The following COL23A1 variants were observed in gnomAD, a reference collection of about 807,000 sequenced individuals.
The protein encoded by COL23A1 is collagen type XXIII alpha 1 chain.
A neutral mutation model predicts 99.3 loss-of-function variants in COL23A1; 97 were observed. That is an observed-to-expected ratio of 0.98 (90% CI 0.83 to 1.16). The LOEUF (loss-of-function observed/expected upper bound fraction) is 1.16. Ranked by LOEUF, COL23A1 falls within the 50% of genes most tolerant of loss-of-function variation. The pLI, the probability that COL23A1 is intolerant of heterozygous loss-of-function variation, is 0.00. For synonymous variants in COL23A1, 320 were observed against 308.2 expected, an observed-to-expected ratio of 1.04 and a Z score of -0.40; for missense variants, 762 against 757.4, an observed-to-expected ratio of 1.01 and a Z score of -0.07.
chr5:178,585,021 A>T (rs1763854453), intron 1 of COL23A1, among the ~76,000 whole-genome samples: 1 of 152,234 alleles, frequency 6.6e-6, no homozygotes, highest in Non-Finnish European at 1.5e-5. Flanking sequence ...CAAAGACTGC[A>T]ACCAACGGGA....
intron 3 of COL23A1, among the ~76,000 whole-genome samples, chr5:178,291,819 G>A (rs1379142976): frequency 6.6e-6 from 1 of 151,996 alleles, no homozygotes; most frequent in Non-Finnish European, 1.5e-5. Flanking sequence ...CATAGAGGAA[G>A]GAGAGAGATG....
intron 2 of COL23A1, among the ~76,000 whole-genome samples, chr5:178,379,806 A>G (rs1233663552): frequency 6.6e-6 from 1 of 151,802 alleles, no homozygotes; most frequent in Non-Finnish European, 1.5e-5. Context: ...GCTTGAACCC[A>G]GGAGGCGGAG....
intron 2 of COL23A1, among the ~76,000 whole-genome samples, chr5:178,390,303 G>A (rs761666580): frequency 1.5e-4 from 23 of 152,348 alleles, no homozygotes; most frequent in East Asian, 5.8e-4. Flanking sequence ...TGGGATGTAC[G>A]GTCATTGTAG....
At chr5:178,423,543 G>A (rs760151214) in intron 2 of COL23A1, among the ~76,000 whole-genome samples, 4 of 152,158 alleles carry the variant, frequency 2.6e-5, no homozygotes, top group Admixed American at 6.5e-5. Context: ...TGCTCGATAG[G>A]TTAGGGGCAG....
At chr5:178,407,712 C>T (rs945844503) in intron 2 of COL23A1, among the ~76,000 whole-genome samples, 1 of 151,780 alleles carries the variant, frequency 6.6e-6, no homozygotes, top group East Asian at 1.9e-4. Flanking sequence ...GAGGGCTCAA[C>T]AGGAGAATGA....
chr5:178,452,789 T>C (rs1258491309), intron 2 of COL23A1, among the ~76,000 whole-genome samples: 1 of 152,194 alleles, frequency 6.6e-6, no homozygotes, highest in Non-Finnish European at 1.5e-5. Context: ...CAATACCTGT[T>C]AATACATGGA....
intron 2 of COL23A1, among the ~76,000 whole-genome samples, chr5:178,528,723 T>C (rs967554371): frequency 4.6e-5 from 7 of 152,182 alleles, no homozygotes; most frequent in Non-Finnish European, 8.8e-5. Context: ...GGCAGGAGAA[T>C]TGCCTGAACC....
At chr5:178,393,709 C>T (rs956644211) in intron 2 of COL23A1, among the ~76,000 whole-genome samples, 15 of 150,160 alleles carry the variant, frequency 1.0e-4, no homozygotes, top group Non-Finnish European at 2.9e-5. Flanking sequence ...AATCTCTGCT[C>T]ACTGCAACCT....
At chr5:178,267,143 G>A (rs151300618) in intron 8 of COL23A1, among the ~76,000 whole-genome samples, 164 bp downstream of exon 8, 1 of 152,158 alleles carries the variant, frequency 6.6e-6, no homozygotes, top group African/African-American at 2.4e-5. Flanking sequence ...CACAACCCAG[G>A]TCCCTGGGGG....
At chr5:178,491,274 A>G (rs1476809776) in intron 2 of COL23A1, among the ~76,000 whole-genome samples, 1 of 152,124 alleles carries the variant, frequency 6.6e-6, no homozygotes, top group Admixed American at 6.5e-5. Context: ...TCTCTTCTCC[A>G]GCCTCTCCTA....
chr5:178,400,313 GC>G (rs1398682406), intron 2 of COL23A1, among the ~76,000 whole-genome samples: 1 of 140,724 alleles, frequency 7.1e-6, no homozygotes, highest in Non-Finnish European at 1.5e-5. Context: ...CTTGCAGTGA[GC>G]CGAGATCGCG....
intron 2 of COL23A1, among the ~76,000 whole-genome samples, chr5:178,373,433 T>G (rs1348608438): frequency 6.6e-6 from 1 of 152,110 alleles, no homozygotes; most frequent in East Asian, 1.9e-4. Context: ...TTTTATTTTT[T>G]GAGACAGACT....
At chr5:178,553,078 G>A (rs990431004) in intron 2 of COL23A1, among the ~76,000 whole-genome samples, 6 of 151,416 alleles carry the variant, frequency 4.0e-5, no homozygotes, top group African/African-American at 1.5e-4. Context: ...GCTGAGGCAG[G>A]AGGATCACTT....
At chr5:178,322,271 C>T (rs1051450109) in intron 2 of COL23A1, among the ~76,000 whole-genome samples, 3 of 152,190 alleles carry the variant, frequency 2.0e-5, no homozygotes, top group Admixed American at 1.3e-4. Context: ...GGATTACAAG[C>T]GTGAGCCACC....
chr5:178,322,016 G>A (rs1192056500), intron 2 of COL23A1, among the ~76,000 whole-genome samples: 30 of 148,180 alleles, frequency 2.0e-4, no homozygotes, highest in African/African-American at 6.3e-4. Context: ...TTTTTGAGAC[G>A]GAGTCTTGCT....
At position 178,589,419 on chromosome 5, in the gene COL23A1, G is replaced by T. The variant is rs1764155787; in HGVS notation, c.294+485C>A. 1.3e-5 allele frequency among the ~76,000 whole-genome samples: 2 copies of T among 148,726 alleles called. No homozygotes were observed. The highest frequency in any genetic ancestry group is 1.3e-4 in the Admixed American group (2 of 15,124). ...TGCTGGAGACACACTGGAGCACAGC[G>T]GGGCCCAGCCCTCGGGCCTGTCTGA... On this transcript the variant is annotated intron_variant, in intron 1 of 28. Coordinates refer to ENST00000390654, the MANE Select transcript of COL23A1 (RefSeq NM_173465.4). This position sits in a 1 kb window ranked among gnomAD's most constrained non-coding sequence, Gnocchi z 5.4.
At chr5:178,446,537 A>G (rs1247466666) in intron 2 of COL23A1, among the ~76,000 whole-genome samples, 1 of 152,118 alleles carries the variant, frequency 6.6e-6, no homozygotes, top group Non-Finnish European at 1.5e-5. Context: ...TTTCATTAGG[A>G]GAAAAAATTT....
intron 2 of COL23A1, among the ~76,000 whole-genome samples, chr5:178,423,765 G>T (rs1330192071): frequency 6.6e-6 from 1 of 152,106 alleles, no homozygotes; most frequent in African/African-American, 2.4e-5. Context: ...CTTGGTGAGG[G>T]CTACCGCAGA....
In COL23A1 at chr5:178,299,393, G is replaced by A. The variant is rs188507572; in HGVS notation, c.406+7482C>T. 1.3e-3 allele frequency among the ~76,000 whole-genome samples: 198 copies of A among 152,230 alleles called. 1 individual carries two copies. The highest frequency in any genetic ancestry group is 1.4e-3 in the Non-Finnish European group (93 of 68,022). On this transcript the variant is annotated intron_variant, in intron 3 of 28. Coordinates refer to ENST00000390654, the MANE Select transcript of COL23A1 (RefSeq NM_173465.4). ...AGTTTTGGCAGTTGTGTCTTTCTAG[G>A]AATGTGTCCATTTCACCTATGTTAT...
Sources: gnomAD v4.1 joint callset for allele counts (sites outside exome capture counted in the v4.1 genomes callset) on GRCh38, gnomAD v4.1.1 for gene constraint, Gnocchi (gnomAD v3.1) non-coding constraint, MANE v1.5 for transcripts, NCBI Gene and HGNC (gene_info 2026-07-23, HGNC 2026-07-21) for gene names.